NLGN1: variants seen among roughly 807,000 people sequenced by gnomAD.
The protein encoded by NLGN1 is neuroligin 1.
In NLGN1, 12 loss-of-function variants were observed where a neutral mutation model predicts 65.5. The ratio of observed to expected loss-of-function variants is 0.18; its 90% confidence interval spans 0.12 to 0.30. The LOEUF (loss-of-function observed/expected upper bound fraction) is 0.30, where lower values mean the gene tolerates loss of function less well. NLGN1 is among the 10% of genes least tolerant of loss of function. The pLI is 1.00. For synonymous variants in NLGN1, 350 were observed against 359.5 expected, an observed-to-expected ratio of 0.97 and a Z score of 0.30; for missense variants, 750 against 1,007.1, an observed-to-expected ratio of 0.74 and a Z score of 3.46.
chr3:173,481,650 T>C (rs1727303220), intron 2 of NLGN1, among the ~76,000 whole-genome samples: 1 of 151,834 alleles, frequency 6.6e-6, no homozygotes, highest in East Asian at 1.9e-4. Flanking sequence ...TTATATCAGA[T>C]AATATTATGG....
chr3:174,213,085 T>C (rs1438110802), intron 4 of NLGN1, among the ~76,000 whole-genome samples: 1 of 152,234 alleles, frequency 6.6e-6, no homozygotes, highest in Non-Finnish European at 1.5e-5. Context: ...TTGCCACATA[T>C]GGTAGCATAT....
At chr3:173,985,840 C>T (rs1719759414) in intron 4 of NLGN1, among the ~76,000 whole-genome samples, 1 of 151,982 alleles carries the variant, frequency 6.6e-6, no homozygotes, top group South Asian at 2.1e-4. Flanking sequence ...ATCCCAGCTA[C>T]TATGGAGGCT....
chr3:173,650,020 A>AT (rs1160765136), intron 3 of NLGN1, among the ~76,000 whole-genome samples: 4 of 152,024 alleles, frequency 2.6e-5, no homozygotes, highest in South Asian at 4.1e-4. Flanking sequence ...CTAAATTTAT[A>AT]TTTTTTATAT....
intron 3 of NLGN1, among the ~76,000 whole-genome samples, chr3:173,737,299 T>C (rs1773927703): frequency 1.3e-5 from 2 of 152,036 alleles, no homozygotes; most frequent in South Asian, 4.1e-4. Flanking sequence ...TTAAGGTGTA[T>C]GATTCAGTGG....
chr3:174,076,232 T>C (rs546113714), intron 4 of NLGN1, among the ~76,000 whole-genome samples: 47 of 152,184 alleles, frequency 3.1e-4, no homozygotes, highest in Non-Finnish European at 4.4e-4. Context: ...TTGAAATATA[T>C]TTAACATTTC....
At chr3:173,499,894 G>T (rs527643418) in intron 2 of NLGN1, among the ~76,000 whole-genome samples, 2 of 151,394 alleles carry the variant, frequency 1.3e-5, no homozygotes, top group Non-Finnish European at 2.9e-5. Context: ...GTGATTTTTG[G>T]GCATTGATTT....
rs914948390 is a variant in NLGN1, at chr3:174,080,366, G to T, written c.647-194949G>T. Among the ~76,000 whole-genome samples the T allele has an allele frequency of 3.3e-5, 5 of 152,302 alleles. No individual in the cohort carries two copies. In the South Asian group the frequency reaches 1.0e-3, roughly 32 times the overall value. ...TGAGACAAATTTTACAGGAGTGAAAGTTTATTAAAACATTTTAGAGCAGGA... is the reference window on the plus strand; with the variant it reads ...TGAGACAAATTTTACAGGAGTGAAATTTTATTAAAACATTTTAGAGCAGGA... On this transcript the variant is annotated intron_variant, in intron 4 of 6. Transcript: ENST00000457714.
chr3:174,063,845 G>T (rs1288148339), intron 4 of NLGN1, among the ~76,000 whole-genome samples: 1 of 151,996 alleles, frequency 6.6e-6, no homozygotes, highest in African/African-American at 2.4e-5. Context: ...ATAGTAAAAG[G>T]GTTAGAAGTA....
In NLGN1 at chr3:173,747,798, G is replaced by T. The variant is rs7432257; in HGVS notation, c.494-59882G>T. 6.7e-3 allele frequency among the ~76,000 whole-genome samples: 561 copies of T among 84,014 alleles called. 15 individuals are homozygous for T. The highest frequency in any genetic ancestry group is 0.023 in the African/African-American group (543 of 23,790). The allele number at this position is 84,014 out of a possible 152,430, so 55.1% of individuals were successfully genotyped here. A position where few individuals can be genotyped will look rare whatever the true frequency, so the allele number is the denominator to read the frequency against. On this transcript the variant is annotated intron_variant, in intron 3 of 6. Coordinates refer to ENST00000457714, the Ensembl canonical transcript of NLGN1. ...CAAAATTTTCTTTCTTCTTCTTCTT[G>T]TTCTTTTTTTTTTTTTTTTTTTTTT... is the stretch of plus-strand genomic sequence containing the variant.
At position 174,280,681 on chromosome 3, in the gene NLGN1, A is replaced by G; in HGVS notation, c.1850A>G (p.Asn617Ser). 1 of 1,613,386 alleles carries G rather than the reference A, an allele frequency of 6.2e-7. No individual in the cohort carries two copies. The highest frequency in any genetic ancestry group is 8.5e-7 in the Non-Finnish European group (1 of 1,179,544). ...TTGGTACCTCATCTGCATAATCTCA[A>G]TGACATTTCTCAGTATACCTCTACA... is the stretch of plus-strand genomic sequence containing the variant. The change falls in exon 7 of 7, where the codon AAT becomes AGT. Residue 617 changes from asparagine to serine, a missense_variant. Coordinates refer to ENST00000457714, the Ensembl canonical transcript of NLGN1. The surrounding 1 kb of genome is among the most constrained non-coding windows in gnomAD (Gnocchi z 4.9).
At chr3:173,646,581 G>T (rs1294132062) in intron 3 of NLGN1, among the ~76,000 whole-genome samples, 1 of 152,158 alleles carries the variant, frequency 6.6e-6, no homozygotes, top group Non-Finnish European at 1.5e-5. Flanking sequence ...CACATTGTGT[G>T]CAAGTATCAA....
chr3:173,995,589 G>A lies in NLGN1; in HGVS notation c.646+187757G>A, dbSNP rs141187483. Reference sequence around the variant, plus strand: ...AAGAGGGAATTAGGGAAAAAGTATTGTGAATTGATCAGTCACTCCAAAATG... The same window carrying A: ...AAGAGGGAATTAGGGAAAAAGTATTATGAATTGATCAGTCACTCCAAAATG... On this transcript the variant is annotated intron_variant, in intron 4 of 6. Transcript: ENST00000457714. 8.6e-4 allele frequency among the ~76,000 whole-genome samples: 130 copies of A among 151,562 alleles called. No homozygotes were observed. The East Asian group carries it at 0.023, about 27-fold the overall frequency.
At chr3:173,973,563 A>G (rs1716754704) in intron 4 of NLGN1, among the ~76,000 whole-genome samples, 1 of 151,674 alleles carries the variant, frequency 6.6e-6, no homozygotes, top group Non-Finnish European at 1.5e-5. Flanking sequence ...TTTTTTTTGG[A>G]AACACTTTAA....
At chr3:174,091,808 C>G (rs2152564918) in intron 4 of NLGN1, among the ~76,000 whole-genome samples, 1 of 152,260 alleles carries the variant, frequency 6.6e-6, no homozygotes, top group South Asian at 2.1e-4. Context: ...TCATTAATTA[C>G]TAATTAGTGG....
chr3:173,875,211 G>T (rs1731895376), intron 4 of NLGN1, among the ~76,000 whole-genome samples: 1 of 152,098 alleles, frequency 6.6e-6, no homozygotes, highest in African/African-American at 2.4e-5. Context: ...TGTGTCTTTG[G>T]TGAGTCAGTA....
intron 2 of NLGN1, among the ~76,000 whole-genome samples, chr3:173,471,532 G>A (rs971121415): frequency 1.8e-4 from 27 of 152,040 alleles, no homozygotes; most frequent in African/African-American, 6.3e-4. Context: ...TGGGTTAGGG[G>A]CCCAACCTAG....
intron 2 of NLGN1, among the ~76,000 whole-genome samples, chr3:173,520,156 G>A (rs1388052657): frequency 6.6e-6 from 1 of 152,166 alleles, no homozygotes; most frequent in African/African-American, 2.4e-5. Flanking sequence ...GTTTCCTGAA[G>A]CCTCCACAGA....
chr3:173,655,835 C>G (rs1339695224), intron 3 of NLGN1, among the ~76,000 whole-genome samples: 1 of 151,624 alleles, frequency 6.6e-6, no homozygotes, highest in African/African-American at 2.4e-5. Flanking sequence ...GCATATGTTA[C>G]CAGTGGATGG....
At chr3:173,419,097 C>G (rs888618801) in intron 1 of NLGN1, among the ~76,000 whole-genome samples, 4 of 79,690 alleles carry the variant, frequency 5.0e-5, no homozygotes, top group Non-Finnish European at 7.1e-5. Flanking sequence ...CTATATCTAT[C>G]TATCTATCTA....
Sources: gnomAD v4.1 joint callset for allele counts (sites outside exome capture counted in the v4.1 genomes callset) on GRCh38, gnomAD v4.1.1 for gene constraint, Gnocchi (gnomAD v3.1) non-coding constraint, MANE v1.5 for transcripts, NCBI Gene and HGNC (gene_info 2026-07-23, HGNC 2026-07-21) for gene names.